ADARB2: variants seen among roughly 807,000 people sequenced by gnomAD.
ADARB2 encodes adenosine deaminase RNA specific B2 (inactive).
A neutral mutation model predicts 62.2 loss-of-function variants in ADARB2; 25 were observed. The ratio of observed to expected loss-of-function variants is 0.40; its 90% CI spans 0.29 to 0.56. The LOEUF (loss-of-function observed/expected upper bound fraction) is 0.56. ADARB2 is among the 20% of genes least tolerant of loss of function. The probability of loss-of-function intolerance (pLI) is 0.43; values close to 1 mark genes in which losing one functional copy is unlikely to be tolerated. For synonymous variants in ADARB2, 572 were observed against 500.8 expected (o/e 1.14, Z -1.90); for missense variants, 1,071 against 1,077.4 (o/e 0.99, Z 0.08).
intron 1 of ADARB2, among the ~76,000 whole-genome samples, chr10:1,488,292 C>A (rs1241330902): frequency 1.3e-5 from 2 of 151,604 alleles, no homozygotes; most frequent in Non-Finnish European, 2.9e-5. Flanking sequence ...CCAAAAATGA[C>A]CCACAGCAAA....
At chr10:1,235,246 G>A (rs943686673) in intron 5 of ADARB2, among the ~76,000 whole-genome samples, 1 of 140,336 alleles carries the variant, frequency 7.1e-6, no homozygotes, top group Non-Finnish European at 1.5e-5. Flanking sequence ...CCTGGGCTCC[G>A]TCACCAGCAC....
At chr10:1,365,072 G>A (rs549737667) in intron 2 of ADARB2, among the ~76,000 whole-genome samples, 66 of 151,970 alleles carry the variant, frequency 4.3e-4, no homozygotes, top group African/African-American at 1.3e-3. Flanking sequence ...GGATTTCACC[G>A]TGTTGGCTAG....
At chr10:1,629,013 C>T (rs187542515) in intron 1 of ADARB2, among the ~76,000 whole-genome samples, 54 of 152,308 alleles carry the variant, frequency 3.5e-4, no homozygotes, top group East Asian at 2.9e-3. Flanking sequence ...GGCTTGGAGA[C>T]ATTGATGAGA....
chr10:1,566,863 G>A (rs1207336989), intron 1 of ADARB2, among the ~76,000 whole-genome samples: 1 of 151,918 alleles, frequency 6.6e-6, no homozygotes, highest in African/African-American at 2.4e-5. Context: ...TCTAACATCT[G>A]GCTAAAGCAA....
intron 1 of ADARB2, among the ~76,000 whole-genome samples, chr10:1,418,924 G>C (rs542232913): frequency 6.6e-6 from 1 of 152,070 alleles, no homozygotes; most frequent in Non-Finnish European, 1.5e-5. Flanking sequence ...TGTGTCCTGC[G>C]CCCCTTTGGT....
chr10:1,571,568 G>A (rs1832934368), intron 1 of ADARB2, among the ~76,000 whole-genome samples: 1 of 152,232 alleles, frequency 6.6e-6, no homozygotes, highest in Non-Finnish European at 1.5e-5. Context: ...AGATACGTGG[G>A]TATCAGGACT....
intron 1 of ADARB2, among the ~76,000 whole-genome samples, chr10:1,707,926 G>C (rs1335828935): frequency 6.6e-6 from 1 of 152,164 alleles, no homozygotes; most frequent in Admixed American, 6.5e-5. Flanking sequence ...TCTAAAAAGA[G>C]TTTCTGGCCT....
intron 1 of ADARB2, among the ~76,000 whole-genome samples, chr10:1,416,114 A>T (rs373061985): frequency 2.6e-5 from 4 of 152,338 alleles, no homozygotes; most frequent in African/African-American, 7.2e-5. Flanking sequence ...ACTTCTTGTG[A>T]TTGCCTGTCT....
chr10:1,226,987 C>T (rs932777344), intron 6 of ADARB2, among the ~76,000 whole-genome samples: 9 of 152,224 alleles, frequency 5.9e-5, no homozygotes, highest in Non-Finnish European at 1.3e-4. Context: ...TTGTCTGTTC[C>T]CTGCCCCCAG....
chr10:1,368,589 A>G (rs746701824), intron 2 of ADARB2, among the ~76,000 whole-genome samples: 13 of 151,960 alleles, frequency 8.6e-5, no homozygotes, highest in Non-Finnish European at 1.9e-4. Flanking sequence ...GGAGTTTTTG[A>G]GGGAGTTTTG....
At chr10:1,507,924 T>A (rs1468968416) in intron 1 of ADARB2, among the ~76,000 whole-genome samples, 3 of 152,184 alleles carry the variant, frequency 2.0e-5, no homozygotes, top group African/African-American at 4.8e-5. Flanking sequence ...TCCACTGGCC[T>A]CTGGGTCCTT....
At chr10:1,358,042 G>C (rs150652795) in intron 3 of ADARB2, among the ~76,000 whole-genome samples, 1 of 152,354 alleles carries the variant, frequency 6.6e-6, no homozygotes, top group East Asian at 1.9e-4. Context: ...GTGTGTGTGA[G>C]AGAGGAAGTA....
At chr10:1,639,472 T>C (rs1040917554) in intron 1 of ADARB2, among the ~76,000 whole-genome samples, 2 of 152,200 alleles carry the variant, frequency 1.3e-5, no homozygotes, top group Non-Finnish European at 2.9e-5. Flanking sequence ...TACCAGACCA[T>C]TCACGAGCAG....
chr10:1,373,231 C>A (rs538312893), intron 2 of ADARB2, among the ~76,000 whole-genome samples: 29 of 152,202 alleles, frequency 1.9e-4, no homozygotes, highest in Middle Eastern at 6.8e-3. Flanking sequence ...CTGTCTGTCT[C>A]CGTGTCTCTC....
chr10:1,264,390 T>C (rs1447458325), intron 4 of ADARB2, among the ~76,000 whole-genome samples: 1 of 152,232 alleles, frequency 6.6e-6, no homozygotes, highest in African/African-American at 2.4e-5. Context: ...TATACTCCGC[T>C]TCTCTTAGGT....
Position 1,599,076 on chromosome 10 carries a change from C to A in ADARB2, c.100+137975G>T, listed in dbSNP as rs190536317. Among the ~76,000 whole-genome samples, 403 of 152,358 alleles carry A rather than the reference C, an allele frequency of 2.6e-3. 3 individuals are homozygous for A. Among genetic ancestry groups the A allele is most frequent in the Middle Eastern group, 0.024 (7 of 294 alleles). ...GTTAACGGGAGGACTCAAAAGAAAT[C>A]TTAATTGATAAATTGAGAAAGTGTG... On this transcript the variant is annotated intron_variant, in intron 1 of 9. Transcript: ENST00000381312.
rs570084791 is a variant in ADARB2, at chr10:1,375,759, TGCACACAC to T, written c.187+3307_187+3314del. 3.0e-3 allele frequency among the ~76,000 whole-genome samples: 459 copies of T among 152,098 alleles called. 1 individual carries two copies. Among genetic ancestry groups the T allele is most frequent in the Non-Finnish European group, 5.2e-3 (355 of 67,982 alleles). ...TGCACAGATTCACACGCCACACACA[TGCACACAC>T]GCACACATGTGCACACACATGCACA... is the stretch of plus-strand genomic sequence containing the variant. On this transcript the variant is annotated intron_variant, in intron 2 of 9. Coordinates refer to ENST00000381312, the MANE Select transcript of ADARB2 (RefSeq NM_018702.4).
intron 1 of ADARB2, among the ~76,000 whole-genome samples, chr10:1,443,944 CCTAT>C (rs138346853): frequency 0.05 from 7,639 of 152,116 alleles, 624 homozygotes; most frequent in African/African-American, 0.17. Context: ...CACCCATCCA[CCTAT>C]CTATCTGTCT....
chr10:1,550,673 G>A (rs1832607214), intron 1 of ADARB2, among the ~76,000 whole-genome samples: 1 of 152,156 alleles, frequency 6.6e-6, no homozygotes, highest in Non-Finnish European at 1.5e-5. Flanking sequence ...GGAGTGAAAG[G>A]AACTGATTTT....
Sources: gnomAD v4.1 joint callset for allele counts (sites outside exome capture counted in the v4.1 genomes callset) on GRCh38, gnomAD v4.1.1 for gene constraint, MANE v1.5 for transcripts, NCBI Gene and HGNC (gene_info 2026-07-23, HGNC 2026-07-21) for gene names.